Variants in VPS13A observed in about 807,000 individuals in gnomAD.
The protein encoded by VPS13A is intermembrane lipid transfer protein VPS13A.
A neutral mutation model predicts 390.9 loss-of-function variants in VPS13A; 264 were observed. The observed-to-expected ratio is 0.68, with a 90% confidence interval of 0.61 to 0.75. The LOEUF is 0.75. Ranked by LOEUF, VPS13A falls within the 30% of genes least tolerant of loss-of-function variation. VPS13A has a pLI of 0.00. For synonymous variants in VPS13A, 1,231 were observed against 1,227.1 expected, an observed-to-expected ratio of 1.00 and a Z score of -0.07; for missense variants, 3,409 against 3,733.9, an observed-to-expected ratio of 0.91 and a Z score of 2.27.
chr9:77,213,987 T>C (rs1826114556), intron 9 of VPS13A, among the ~76,000 whole-genome samples: 1 of 152,126 alleles, frequency 6.6e-6, no homozygotes, highest in Non-Finnish European at 1.5e-5. Context: ...CATATTGGCA[T>C]GAATATGGCT....
intron 3 of VPS13A, among the ~76,000 whole-genome samples, chr9:77,201,614 A>G (rs1347911397): frequency 6.6e-6 from 1 of 152,202 alleles, no homozygotes; most frequent in Non-Finnish European, 1.5e-5. Context: ...ATATCCTAAT[A>G]CATTACATAT....
chr9:77,307,720 C>T (rs924823724), intron 34 of VPS13A, among the ~76,000 whole-genome samples: 1 of 152,096 alleles, frequency 6.6e-6, no homozygotes, highest in Non-Finnish European at 1.5e-5. Flanking sequence ...GTTCTTTATT[C>T]ATAACTTCAT....
intron 34 of VPS13A, among the ~76,000 whole-genome samples, chr9:77,307,397 G>C (rs1411514119): frequency 6.6e-6 from 1 of 152,196 alleles, no homozygotes; most frequent in Non-Finnish European, 1.5e-5. Context: ...GCTGCAGTGA[G>C]CTAGGATTGC....
chr9:77,224,399 T>C (rs1364713043), intron 13 of VPS13A, among the ~76,000 whole-genome samples: 1 of 152,190 alleles, frequency 6.6e-6, no homozygotes, highest in East Asian at 1.9e-4. Context: ...CTGGAAAGGA[T>C]TTGCCATTCT....
chr9:77,268,939 CAAA>C (rs34989883), intron 23 of VPS13A, among the ~76,000 whole-genome samples: 3 of 104,546 alleles, frequency 2.9e-5, no homozygotes, highest in Admixed American at 1.0e-4. Context: ...TACTCCATCT[CAAA>C]AAAAAAAAAA....
In VPS13A at chr9:77,347,831, C is replaced by T. The variant is rs533102673; in HGVS notation, c.7289+2689C>T. ...CTGCCTTTCTAAACATTTATCTTTC[C>T]GTGGCCTAAATCTTACCCTATACAA... is the stretch of plus-strand genomic sequence containing the variant. On this transcript the variant is annotated intron_variant, in intron 52 of 71. Coordinates refer to ENST00000360280, the MANE Select transcript of VPS13A (RefSeq NM_033305.3). Among the ~76,000 whole-genome samples the T allele has an allele frequency of 6.6e-5, 10 of 151,580 alleles. No homozygotes were observed. In the South Asian group the frequency reaches 1.5e-3, roughly 22 times the overall value.
intron 57 of VPS13A, 56 bp from the exon 58 acceptor site, chr9:77,359,277 A>T: frequency 6.9e-7 from 1 of 1,440,138 alleles, no homozygotes; most frequent in Non-Finnish European, 9.8e-7. Flanking sequence ...TTGGAAGAAA[A>T]TGCCTAGCTT....
At chr9:77,400,508 T>C (rs12351997) in intron 68 of VPS13A, among the ~76,000 whole-genome samples, 28,851 of 151,868 alleles carry the variant, frequency 0.19, 2,923 homozygotes, top group Middle Eastern at 0.25. Context: ...TGGACTCTGT[T>C]ATATTTTGGC....
At chr9:77,332,576 A>G (rs1830330864) in intron 46 of VPS13A, among the ~76,000 whole-genome samples, 1 of 151,818 alleles carries the variant, frequency 6.6e-6, no homozygotes, top group African/African-American at 2.4e-5. Context: ...AGTATATACT[A>G]TATTAATTTT....
intron 10 of VPS13A, among the ~76,000 whole-genome samples, chr9:77,216,095 G>A (rs951722271): frequency 1.3e-5 from 2 of 152,186 alleles, no homozygotes; most frequent in African/African-American, 4.8e-5. Context: ...GAACCAGGCA[G>A]CATAACTCTT....
rs1835218369 is a variant in VPS13A at position 77,417,878 on chromosome 9, T to C, written c.*1872T>C. 1 of 152,112 alleles carries C rather than the reference T, an allele frequency of 6.6e-6. No individual in the cohort carries two copies. The highest frequency in any genetic ancestry group is 1.5e-5 in the Non-Finnish European group (1 of 68,034). 9.4% of individuals were successfully genotyped at this position (152,112 alleles called of 1,614,324 possible). A position where few individuals can be genotyped will look rare whatever the true frequency, so the allele number is the denominator to read the frequency against. On this transcript the variant is annotated 3_prime_UTR_variant, in exon 72 of 72. Transcript: ENST00000360280. ...GCCTGTCTTTCCTGTTCCCTTGCCATAAGAACCGTGAAATCTCTCCTTTCC... is the reference window on the plus strand; with the variant it reads ...GCCTGTCTTTCCTGTTCCCTTGCCACAAGAACCGTGAAATCTCTCCTTTCC...
rs1835222360 is a variant in VPS13A, at chr9:77,418,017, A to G, written c.*2011A>G. ...TTTGTTGTTTTAGAAGATTGTCTTCATCTAAACAAAAACACTAAGAAATCA... is the reference window on the plus strand; with the variant it reads ...TTTGTTGTTTTAGAAGATTGTCTTCGTCTAAACAAAAACACTAAGAAATCA... On this transcript the variant is annotated 3_prime_UTR_variant, in exon 72 of 72. Coordinates refer to ENST00000360280, the MANE Select transcript of VPS13A (RefSeq NM_033305.3). 6.6e-6 allele frequency: 1 copy of G among 152,248 alleles called. No individual in the cohort carries two copies. The highest frequency in any genetic ancestry group is 1.5e-5 in the Non-Finnish European group (1 of 68,040). The allele number at this position is 152,248 out of a possible 1,614,324, so 9.4% of individuals were successfully genotyped here. A position where few individuals can be genotyped will look rare whatever the true frequency, so the allele number is the denominator to read the frequency against.
Position 77,370,243 on chromosome 9 carries a change from A to C in VPS13A, c.8668-14A>C. On this transcript the variant is annotated splice_polypyrimidine_tract_variant and intron_variant, in intron 63 of 71. Transcript: ENST00000360280. ...TAACTCACTCACTCATTTATTTACT[A>C]TTTGGCCCTTTAGGGAGCCATCCAG... 1 of 1,613,842 alleles carries C rather than the reference A, an allele frequency of 6.2e-7. No homozygotes were observed. Among genetic ancestry groups the C allele is most frequent in the Non-Finnish European group, 8.5e-7 (1 of 1,179,822 alleles).
chr9:77,180,000 A>G (rs1021442984), intron 1 of VPS13A, among the ~76,000 whole-genome samples: 13 of 152,020 alleles, frequency 8.6e-5, no homozygotes, highest in Admixed American at 7.9e-4. Flanking sequence ...AACCTAATGT[A>G]TTTTCAAGGT....
chr9:77,281,755 A>ATG, intron 27 of VPS13A, 112 bp from the exon 28 acceptor site: 6 of 598,970 alleles, frequency 1.0e-5, no homozygotes, highest in East Asian at 6.4e-5. Context: ...ATATATATAT[A>ATG]TATGTATATG....
In VPS13A at chr9:77,209,530, G is replaced by A. The variant is rs1021083498; in HGVS notation, c.493G>A (p.Asp165Asn). ...ISSIHIRYED[D>N]ITNRDKPLSF... ...CAGTATCCATATTCGTTATGAAGAT[G>A]ATGTAAGTATTTTAATATGTGATAT... is the stretch of plus-strand genomic sequence containing the variant. Residue 165 changes from aspartate (D) to asparagine (N), a missense_variant and splice_region_variant, in exon 6 of 72, where the codon GAT becomes AAT. This residue lies in a region of VPS13A where 2,717 missense variants were observed against 2,917.4 expected (regional missense o/e 0.93). Transcript: ENST00000360280. 1 of 1,548,746 alleles carries A rather than the reference G, an allele frequency of 6.5e-7. No homozygotes were observed. The highest frequency in any genetic ancestry group is 1.1e-5 in the South Asian group (1 of 88,086).
chr9:77,408,037 C>A (rs537289846), intron 71 of VPS13A, among the ~76,000 whole-genome samples: 1 of 152,222 alleles, frequency 6.6e-6, no homozygotes, highest in South Asian at 2.1e-4. Flanking sequence ...GGAGCCAAGC[C>A]CAACAGAAAA....
At chr9:77,356,049 A>G (rs769743213) in intron 54 of VPS13A, among the ~76,000 whole-genome samples, 3 of 152,136 alleles carry the variant, frequency 2.0e-5, no homozygotes, top group African/African-American at 4.8e-5. Flanking sequence ...ATCTCATCTC[A>G]CTCAGAATAA....
chr9:77,226,368 G>A, intron 14 of VPS13A, 98 bp from the exon 15 acceptor site: 1 of 1,122,958 alleles, frequency 8.9e-7, no homozygotes, highest in East Asian at 2.4e-5. Flanking sequence ...CATTCATTTT[G>A]CTCAAGAGGA....
Sources: gnomAD v4.1 joint callset for allele counts (sites outside exome capture counted in the v4.1 genomes callset) on GRCh38, gnomAD v4.1.1 for gene constraint, gnomAD v4.1.1 regional missense constraint, MANE v1.5 for transcripts, NCBI Gene and HGNC (gene_info 2026-07-23, HGNC 2026-07-21) for gene names.